ABCG2: variants seen among roughly 807,000 people sequenced by gnomAD.
The protein encoded by ABCG2 is broad substrate specificity ATP-binding cassette transporter ABCG2.
A neutral mutation model predicts 73.5 loss-of-function variants in ABCG2; 80 were observed. The ratio of observed to expected loss-of-function variants is 1.09; its 90% confidence interval spans 0.91 to 1.31. ABCG2 has a LOEUF of 1.31. Among genes scored for constraint, ABCG2 ranks in the 50% most tolerant of loss-of-function variants. The pLI, the probability that ABCG2 is intolerant of heterozygous loss-of-function variation, is 0.00. For synonymous variants in ABCG2, 269 were observed against 282.4 expected, an observed-to-expected ratio of 0.95 and a Z score of 0.48; for missense variants, 796 against 786.2, an observed-to-expected ratio of 1.01 and a Z score of -0.15.
At chr4:88,174,638 C>T (rs1051164723) in intron 1 of ABCG2, among the ~76,000 whole-genome samples, 13 of 152,174 alleles carry the variant, frequency 8.5e-5, no homozygotes, top group East Asian at 1.9e-4. Context: ...GTGATCCACC[C>T]GCCTCAGCCT....
At chr4:88,152,930 T>C (rs1054386024) in intron 1 of ABCG2, among the ~76,000 whole-genome samples, 6 of 152,024 alleles carry the variant, frequency 3.9e-5, no homozygotes, top group African/African-American at 1.4e-4. Flanking sequence ...GGTGATATTG[T>C]GGGGTTGTTA....
intron 13 of ABCG2, among the ~76,000 whole-genome samples, chr4:88,097,248 A>T (rs1050916259): frequency 3.3e-5 from 5 of 152,238 alleles, no homozygotes; most frequent in African/African-American, 1.2e-4. Flanking sequence ...GAACTTCATT[A>T]GAACAGTAGC....
At chr4:88,210,627 C>T (rs148760572) in intron 1 of ABCG2, among the ~76,000 whole-genome samples, 221 of 149,004 alleles carry the variant, frequency 1.5e-3, no homozygotes, top group African/African-American at 5.3e-3. Context: ...GGATCTTGCT[C>T]TGTTGCCCAG....
chr4:88,214,098 C>T (rs1008942907), intron 1 of ABCG2, among the ~76,000 whole-genome samples: 3 of 149,296 alleles, frequency 2.0e-5, no homozygotes, highest in Non-Finnish European at 4.4e-5. Flanking sequence ...AGTGGTCCTC[C>T]TACCTCAGCC....
chr4:88,203,092 C>G (rs950416398), intron 1 of ABCG2, among the ~76,000 whole-genome samples: 2 of 152,028 alleles, frequency 1.3e-5, no homozygotes, highest in African/African-American at 4.8e-5. Context: ...TTTAATGAAA[C>G]TAGTGTTCAG....
chr4:88,148,628 G>T (rs1348940067), intron 1 of ABCG2, among the ~76,000 whole-genome samples: 1 of 152,060 alleles, frequency 6.6e-6, no homozygotes, highest in Non-Finnish European at 1.5e-5. Context: ...ATAACTTACA[G>T]AAATTAATAC....
chr4:88,146,310 CA>C (rs1159888832), intron 1 of ABCG2, among the ~76,000 whole-genome samples: 52 of 137,272 alleles, frequency 3.8e-4, no homozygotes, highest in African/African-American at 4.2e-4. Context: ...TTAATATGAC[CA>C]AAAAAAAAAA....
intron 1 of ABCG2, among the ~76,000 whole-genome samples, chr4:88,196,133 G>A (rs1728934826): frequency 6.6e-6 from 1 of 152,116 alleles, no homozygotes; most frequent in South Asian, 2.1e-4. Flanking sequence ...TGGGTTGGGG[G>A]TCGGGGACAC....
chr4:88,093,593 T>G (rs1721791345), intron 15 of ABCG2, among the ~76,000 whole-genome samples: 1 of 151,862 alleles, frequency 6.6e-6, no homozygotes, highest in Non-Finnish European at 1.5e-5. Flanking sequence ...CCCATGGTGG[T>G]TCCTCCTTAT....
At chr4:88,181,137 C>T (rs575751805) in intron 1 of ABCG2, among the ~76,000 whole-genome samples, 1 of 152,142 alleles carries the variant, frequency 6.6e-6, no homozygotes, top group Admixed American at 6.5e-5. Context: ...TGCGGTGGCT[C>T]ACGCCTGTAA....
At chr4:88,131,546 G>T (rs1024782646) in intron 4 of ABCG2, among the ~76,000 whole-genome samples, 1 of 152,136 alleles carries the variant, frequency 6.6e-6, no homozygotes, top group Non-Finnish European at 1.5e-5. Flanking sequence ...AGGCAAAAAA[G>T]GATAACAGTA....
At chr4:88,122,412 A>G (rs956887025) in intron 5 of ABCG2, among the ~76,000 whole-genome samples, 4 of 152,184 alleles carry the variant, frequency 2.6e-5, no homozygotes, top group Admixed American at 2.6e-4. Context: ...GCAAGCTAAG[A>G]TCCACTGGCT....
At chr4:88,219,927 C>T (rs2110130097) in intron 1 of ABCG2, among the ~76,000 whole-genome samples, 1 of 151,792 alleles carries the variant, frequency 6.6e-6, no homozygotes, top group African/African-American at 2.4e-5. Flanking sequence ...GCTGTGCAAC[C>T]ATCACTACCA....
At chr4:88,185,072 A>G (rs1242749095) in intron 1 of ABCG2, among the ~76,000 whole-genome samples, 1 of 152,156 alleles carries the variant, frequency 6.6e-6, no homozygotes, top group East Asian at 1.9e-4. Flanking sequence ...CTTAAATATA[A>G]GACCTCATGG....
At chr4:88,137,394 C>T (rs1364022717) in intron 2 of ABCG2, among the ~76,000 whole-genome samples, 2 of 152,164 alleles carry the variant, frequency 1.3e-5, no homozygotes, top group African/African-American at 4.8e-5. Flanking sequence ...TATCTCTCCT[C>T]ATAACACTAA....
intron 1 of ABCG2, among the ~76,000 whole-genome samples, chr4:88,189,711 T>C (rs1578266081): frequency 6.6e-6 from 1 of 152,180 alleles, no homozygotes; most frequent in East Asian, 1.9e-4. Context: ...ACTTTCTCCT[T>C]TCCAATTTAA....
intron 1 of ABCG2, among the ~76,000 whole-genome samples, chr4:88,169,710 G>A (rs554252701): frequency 1.1e-4 from 16 of 152,056 alleles, no homozygotes; most frequent in Non-Finnish European, 2.2e-4. Flanking sequence ...GTAAGTAAAC[G>A]ATGATTCCGT....
intron 1 of ABCG2, among the ~76,000 whole-genome samples, chr4:88,151,746 A>G (rs941689178): frequency 2.0e-5 from 3 of 152,074 alleles, no homozygotes; most frequent in African/African-American, 7.2e-5. Context: ...CTCAAAAAAA[A>G]AAAAAAAGAA....
intron 1 of ABCG2, among the ~76,000 whole-genome samples, chr4:88,221,331 T>C (rs1210551431): frequency 6.6e-6 from 1 of 152,084 alleles, no homozygotes; most frequent in Non-Finnish European, 1.5e-5. Flanking sequence ...CATAGCAGCA[T>C]GAGAACGGAC....
Sources: gnomAD v4.1 joint callset for allele counts (sites outside exome capture counted in the v4.1 genomes callset) on GRCh38, gnomAD v4.1.1 for gene constraint, MANE v1.5 for transcripts, NCBI Gene and HGNC (gene_info 2026-07-23, HGNC 2026-07-21) for gene names.